RYR1: variants seen among roughly 807,000 people sequenced by gnomAD.
RYR1 encodes the protein ryanodine receptor 1.
A neutral mutation model predicts 583.5 loss-of-function variants in RYR1; 342 were observed. That is an observed-to-expected ratio of 0.59 (90% CI 0.54 to 0.64). The LOEUF (loss-of-function observed/expected upper bound fraction) is 0.64. Among genes scored for constraint, RYR1 ranks in the 30% least tolerant of loss-of-function variants. RYR1 has a pLI of 0.00. For synonymous variants in RYR1, 2,791 were observed against 2,822.5 expected, an observed-to-expected ratio of 0.99 and a Z score of 0.35; for missense variants, 6,032 against 6,917.2, an observed-to-expected ratio of 0.87 and a Z score of 4.54.
intron 48 of RYR1, 72 bp downstream of exon 48, chr19:38,502,799 A>AT: frequency 2.5e-6 from 1 of 406,252 alleles, no homozygotes; most frequent in Non-Finnish European, 3.7e-6. Context: ...GGGCAGGGGC[A>AT]GGGGCAGGGG....
intron 3 of RYR1, 96 bp downstream of exon 3, chr19:38,442,549 C>T: frequency 1.2e-6 from 1 of 829,934 alleles, no homozygotes; most frequent in Admixed American, 1.9e-5. Flanking sequence ...GTGAGAGGAC[C>T]CGGGGGTCGC....
rs1043152942 is a variant in RYR1, at chr19:38,563,114, A to G, written c.12624+1660A>G. Reference sequence around the variant, plus strand: ...TCCTCTGACCCTGCGTGCTCCCCATACAAACACTCTTTGCCTTAGTGCTAT... The same window carrying G: ...TCCTCTGACCCTGCGTGCTCCCCATGCAAACACTCTTTGCCTTAGTGCTAT... On this transcript the variant is annotated intron_variant, in intron 90 of 105. Transcript: ENST00000359596. Among the ~76,000 whole-genome samples, 4 of 152,102 alleles carry G rather than the reference A, an allele frequency of 2.6e-5. No individual in the cohort carries two copies. The South Asian group carries it at 6.2e-4, about 24-fold the overall frequency.
chr19:38,543,916 TC>T lies in RYR1; in HGVS notation c.12012+46del. The T allele has an allele frequency of 6.3e-7, 1 of 1,578,878 alleles. No individual in the cohort carries two copies. Among genetic ancestry groups the T allele is most frequent in the Non-Finnish European group, 8.6e-7 (1 of 1,156,748 alleles). On this transcript the variant is annotated intron_variant, in intron 87 of 105. Transcript: ENST00000359596. The surrounding 1 kb of genome is among the most constrained non-coding windows in gnomAD (Gnocchi z 4.4). ...GTCTCCATCCACCTGCTTCCGGGCG[TC>T]CCCCAAGTGGTCCATTTCCAAGTCT... is the stretch of plus-strand genomic sequence containing the variant.
At chr19:38,585,826 T>G in intron 102 of RYR1, 112 bp from the exon 103 acceptor site, 52 of 1,256,152 alleles carry the variant, frequency 4.1e-5, no homozygotes, top group Non-Finnish European at 5.6e-5. Context: ...AGATTAGGGG[T>G]GAGATTAGGG....
chr19:38,502,991 G>A, intron 49 of RYR1, 21 bp downstream of exon 49: 1 of 1,604,822 alleles, frequency 6.2e-7, no homozygotes, highest in East Asian at 2.2e-5. Context: ...GCGCTCTTTA[G>A]CATCTCATTT....
intron 96 of RYR1, among the ~76,000 whole-genome samples, chr19:38,575,290 G>A (rs375669369): frequency 6.6e-6 from 1 of 152,198 alleles, no homozygotes; most frequent in East Asian, 1.9e-4. Flanking sequence ...ATCTGGCTCT[G>A]AATGCAAATT....
chr19:38,514,840 G>A (rs1350227544), intron 63 of RYR1, among the ~76,000 whole-genome samples, 186 bp from the exon 64 acceptor site: 1 of 152,096 alleles, frequency 6.6e-6, no homozygotes, highest in Non-Finnish European at 1.5e-5. Context: ...CCATGTTACA[G>A]GTAGGGAAGC....
rs1262128592 is a variant in RYR1, at chr19:38,565,671, T to A, written c.13337T>A (p.Phe4446Tyr). The A allele has an allele frequency of 1.3e-5, 18 of 1,391,052 alleles. No homozygotes were observed. Among genetic ancestry groups the A allele is most frequent in the Non-Finnish European group, 1.5e-5 (16 of 1,082,614 alleles). 86.2% of individuals were successfully genotyped at this position (1,391,052 alleles called of 1,614,324 possible). A position where few individuals can be genotyped will look rare whatever the true frequency, so the allele number is the denominator to read the frequency against. The stretch of plus-strand genomic sequence containing the variant: ...GTGGCCGTGACCGATGGGGGCCCCT[T>A]CCGGCCCGAAGGGGCTGGCGGTCTC... ...GAVAVTDGGP[F>Y]RPEGAGGLGD... Residue 4446 changes from phenylalanine (F) to tyrosine (Y), a missense_variant, in exon 91 of 106, where the codon TTC (phenylalanine) becomes TAC (tyrosine). By Grantham distance (22) the Phe-to-Tyr change is conservative. Transcript: ENST00000359596. This position sits in a 1 kb window ranked among gnomAD's most constrained non-coding sequence, Gnocchi z 4.7.
intron 66 of RYR1, among the ~76,000 whole-genome samples, chr19:38,518,196 GA>G (rs1213442817): frequency 6.6e-6 from 1 of 151,604 alleles, no homozygotes; most frequent in East Asian, 1.9e-4. Flanking sequence ...GGGAAGGAAA[GA>G]AGGAAGGAAG....
intron 65 of RYR1, 74 bp downstream of exon 65, chr19:38,516,291 T>C: frequency 6.6e-7 from 1 of 1,511,354 alleles, no homozygotes; most frequent in South Asian, 1.2e-5. Flanking sequence ...AGACCCTAAT[T>C]TGGGGGTAGT....
At chr19:38,535,948 G>A in intron 81 of RYR1, 49 bp from the exon 82 acceptor site, 3 of 1,562,070 alleles carry the variant, frequency 1.9e-6, no homozygotes, top group Non-Finnish European at 2.6e-6. Context: ...GGAGAGAGGA[G>A]GGCAGAGGCT....
Position 38,473,601 on chromosome 19 carries a change from C to G in RYR1, c.3990C>G (p.Asp1330Glu), listed in dbSNP as rs372518775. The G allele has an allele frequency of 6.3e-7, 1 of 1,577,298 alleles. No homozygotes were observed. The highest frequency in any genetic ancestry group is 1.3e-5 in the African/African-American group (1 of 74,296). ...CCCGGGCGGCGGAACCCGACCCTGA[C>G]TACGAAAACCTGCGCCGCTCAGCTG... is the stretch of plus-strand genomic sequence containing the variant. ...DEARAAEPDP[D>E]YENLRRSAGG... Residue 1330 changes from aspartate (D) to glutamate (E), a missense_variant, in exon 28 of 106, where the codon GAC becomes GAG. Physicochemically the swap from Asp to Glu is conservative, Grantham distance 45. Coordinates refer to ENST00000359596, the MANE Select transcript of RYR1 (RefSeq NM_000540.3).
At chr19:38,472,745 G>A (rs1037171354) in intron 27 of RYR1, among the ~76,000 whole-genome samples, 52 of 150,852 alleles carry the variant, frequency 3.4e-4, no homozygotes, top group African/African-American at 1.2e-3. Context: ...AGGCGTGTTG[G>A]CTCATGCTTG....
intron 58 of RYR1, 85 bp from the exon 59 acceptor site, chr19:38,510,413 C>T: frequency 7.2e-7 from 1 of 1,381,064 alleles, no homozygotes; most frequent in Admixed American, 1.7e-5. Flanking sequence ...CATTTCCCAA[C>T]TCTGCTCCCA....
chr19:38,465,169 G>C (rs1253918024), intron 23 of RYR1, among the ~76,000 whole-genome samples: 7 of 152,076 alleles, frequency 4.6e-5, no homozygotes, highest in Non-Finnish European at 1.0e-4. Flanking sequence ...ACTGGGATCA[G>C]AGTAAGAAAC....
At chr19:38,586,341 C>G (rs758728586) in intron 104 of RYR1, 150 bp downstream of exon 104, 2 of 1,095,256 alleles carry the variant, frequency 1.8e-6, no homozygotes, top group Non-Finnish European at 2.7e-6. Context: ...AAGGGTGGGG[C>G]CCCGCAAGAT....
intron 1 of RYR1, 36 bp from the exon 2 acceptor site, chr19:38,440,708 CA>C: frequency 6.2e-7 from 1 of 1,601,624 alleles, no homozygotes; most frequent in South Asian, 1.1e-5. Context: ...GTATCCGGGC[CA>C]GGCCCCCCTG....
rs1381548583 is a variant in RYR1 at position 38,561,357 on chromosome 19, A to C, written c.12527A>C (p.Tyr4176Ser). The C allele has an allele frequency of 1.9e-6, 3 of 1,613,738 alleles. No homozygotes were observed. The highest frequency in any genetic ancestry group is 2.5e-6 in the Non-Finnish European group (3 of 1,180,004). ...AGCATCCTTGAGTACTTCCGCCCCT[A>C]CCTGGGCCGCATCGAGATCATGGGC... Reference protein sequence around the residue: ...AESILEYFRPYLGRIEIMGAS... With the variant: ...AESILEYFRPSLGRIEIMGAS... The change falls in exon 90 of 106, where the codon TAC (tyrosine) becomes TCC (serine). Residue 4176 changes from tyrosine to serine, a missense_variant. Tyr to Ser is a moderately radical substitution (Grantham distance 144). This residue lies in a region of RYR1 where 753 missense variants were observed against 759.6 expected (regional missense o/e 0.99). Transcript: ENST00000359596. The surrounding 1 kb of genome is among the most constrained non-coding windows in gnomAD (Gnocchi z 4.8).
rs1281233199 is a variant in RYR1 at position 38,444,684 on chromosome 19, G to T, written c.631+7G>T. 1 of 1,604,218 alleles carries T rather than the reference G, an allele frequency of 6.2e-7. No individual in the cohort carries two copies. The highest frequency in any genetic ancestry group is 1.4e-5 in the African/African-American group (1 of 73,902). On this transcript the variant is annotated splice_region_variant and intron_variant, in intron 7 of 105. Coordinates refer to ENST00000359596, the MANE Select transcript of RYR1 (RefSeq NM_000540.3). This position sits in a 1 kb window ranked among gnomAD's most constrained non-coding sequence, Gnocchi z 5.1. Reference sequence around the variant, plus strand: ...TGCTCCCGCTGCGAAGAGGGTGAGGGCCCCAGACCTCCCCCTAAATGGAGA... The same window carrying T: ...TGCTCCCGCTGCGAAGAGGGTGAGGTCCCCAGACCTCCCCCTAAATGGAGA...
Sources: allele counts gnomAD v4.1 joint callset (sites outside exome capture counted in the v4.1 genomes callset), GRCh38; gene constraint gnomAD v4.1.1; regional missense constraint gnomAD v4.1.1; non-coding constraint Gnocchi (gnomAD v3.1); transcripts MANE v1.5; gene names NCBI Gene and HGNC (gene_info 2026-07-23, HGNC 2026-07-21).